SLC16A2: variants seen among roughly 807,000 people sequenced by gnomAD.
SLC16A2 encodes the protein monocarboxylate transporter 8.
In SLC16A2, 3 loss-of-function variants were observed where a neutral mutation model predicts 27.2. That is an observed-to-expected ratio of 0.11 (90% CI 0.05 to 0.28). The LOEUF is 0.28. SLC16A2 is among the 10% of genes least tolerant of loss of function. SLC16A2 has a pLI of 1.00. For missense variants in SLC16A2, 295 were observed against 458.5 expected (o/e 0.64, Z 3.26); for synonymous variants, 202 against 187.8 (o/e 1.08, Z -0.62).
chrX:74,478,145 G>T (rs1929526874), intron 1 of SLC16A2, among the ~76,000 whole-genome samples: 2 of 111,643 alleles, frequency 1.8e-5, no homozygotes, highest in African/African-American at 6.5e-5. Context: ...GGTCTCTAAG[G>T]ACTTGCTTTA....
chrX:74,423,808 G>C, intron 1 of SLC16A2, among the ~76,000 whole-genome samples: 1 of 111,722 alleles, frequency 9.0e-6, no homozygotes, highest in Middle Eastern at 4.6e-3. Flanking sequence ...TTGCCCTGTG[G>C]TTGAAGGCAG....
rs1378423401 is a variant in SLC16A2 at position 74,493,746 on chromosome X, A to G, written c.431-27244A>G. On this transcript the variant is annotated intron_variant, in intron 1 of 5. Coordinates refer to ENST00000587091, the MANE Select transcript of SLC16A2 (RefSeq NM_006517.5). The stretch of plus-strand genomic sequence containing the variant: ...GCTAATTGGCATCTTCCTTAGTCAC[A>G]GATTTCTCTGACCTTCACAGGAGGT... 2.7e-5 allele frequency among the ~76,000 whole-genome samples: 3 copies of G among 111,934 alleles called. No individual in the cohort carries two copies. The Admixed American group carries it at 2.8e-4, about 11-fold the overall frequency.
intron 1 of SLC16A2, among the ~76,000 whole-genome samples, chrX:74,466,598 T>G (rs747060489): frequency 2.7e-5 from 3 of 112,323 alleles, no homozygotes; most frequent in Non-Finnish European, 5.6e-5. Context: ...CTGTACATGT[T>G]TAGCACAGAC....
chrX:74,474,188 T>C (rs1223966115), intron 1 of SLC16A2, among the ~76,000 whole-genome samples: 1 of 111,915 alleles, frequency 8.9e-6, no homozygotes, highest in African/African-American at 3.2e-5. Context: ...ATATTAAGTG[T>C]TCTGATCCAT....
chrX:74,507,963 C>T (rs1204193637), intron 1 of SLC16A2, among the ~76,000 whole-genome samples: 1 of 111,957 alleles, frequency 8.9e-6, no homozygotes, highest in Admixed American at 9.5e-5. Flanking sequence ...CATGGCAGTA[C>T]ACTTAATTCT....
intron 1 of SLC16A2, among the ~76,000 whole-genome samples, chrX:74,484,578 C>A (rs1929682147): frequency 8.9e-6 from 1 of 112,070 alleles, no homozygotes; most frequent in African/African-American, 3.2e-5. Flanking sequence ...GCATATTCAA[C>A]TCCCATTTCC....
intron 1 of SLC16A2, among the ~76,000 whole-genome samples, chrX:74,496,258 ACACACACACACACACACG>A (rs925569827): frequency 6.8e-4 from 43 of 63,657 alleles, no homozygotes; most frequent in Non-Finnish European, 1.8e-3. Flanking sequence ...GAAAACACAC[ACACACACACACACACACG>A]CACACACACA....
chrX:74,433,262 C>G (rs1252384673), intron 1 of SLC16A2, among the ~76,000 whole-genome samples: 4 of 109,965 alleles, frequency 3.6e-5, no homozygotes, highest in African/African-American at 1.3e-4. Context: ...ATCCTAGCTA[C>G]TTGGGAGGCT....
At chrX:74,480,503 C>T (rs1436621111) in intron 1 of SLC16A2, among the ~76,000 whole-genome samples, 1 of 112,245 alleles carries the variant, frequency 8.9e-6, no homozygotes, top group Non-Finnish European at 1.9e-5. Context: ...CACCCACTGT[C>T]TGACAATCCC....
At chrX:74,517,220 C>T (rs769637637) in intron 1 of SLC16A2, among the ~76,000 whole-genome samples, 1 of 112,046 alleles carries the variant, frequency 8.9e-6, no homozygotes, top group Non-Finnish European at 1.9e-5. Flanking sequence ...GTTCATGGGA[C>T]CTCTCTGGAC....
chrX:74,528,459 G>A (rs938022507), intron 4 of SLC16A2, among the ~76,000 whole-genome samples: 4 of 111,139 alleles, frequency 3.6e-5, no homozygotes, highest in African/African-American at 1.3e-4. Flanking sequence ...AAAGCCCAGT[G>A]GCTAGTCAGT....
chrX:74,518,841 G>A (rs945866247), intron 1 of SLC16A2, among the ~76,000 whole-genome samples: 1 of 111,670 alleles, frequency 9.0e-6, no homozygotes, highest in Non-Finnish European at 1.9e-5. Flanking sequence ...CTCTTGTATG[G>A]TGGATACCGG....
intron 1 of SLC16A2, among the ~76,000 whole-genome samples, chrX:74,461,398 G>A (rs1929138311): frequency 2.3e-5 from 2 of 87,939 alleles, no homozygotes; most frequent in Non-Finnish European, 4.3e-5. Flanking sequence ...GAGAAAGGGA[G>A]AGAGAGAGAG....
chrX:74,516,251 C>T (rs1930316037), intron 1 of SLC16A2, among the ~76,000 whole-genome samples: 1 of 111,000 alleles, frequency 9.0e-6, no homozygotes. Context: ...TGGAGTTTTG[C>T]CACATTACAC....
At chrX:74,486,791 TTTATTGCAGCACTA>T (rs1293508204) in intron 1 of SLC16A2, among the ~76,000 whole-genome samples, 3 of 112,009 alleles carry the variant, frequency 2.7e-5, no homozygotes, top group Admixed American at 9.5e-5. Context: ...CACATGTATG[TTTATTGCAGCACTA>T]TTCACAATAG....
chrX:74,455,103 C>T (rs1255301015), intron 1 of SLC16A2, among the ~76,000 whole-genome samples: 1 of 111,893 alleles, frequency 8.9e-6, no homozygotes, highest in Non-Finnish European at 1.9e-5. Context: ...TACTTAATCT[C>T]TGTATGTCTC....
At chrX:74,491,041 A>G (rs1929816673) in intron 1 of SLC16A2, among the ~76,000 whole-genome samples, 1 of 111,923 alleles carries the variant, frequency 8.9e-6, no homozygotes, top group Non-Finnish European at 1.9e-5. Flanking sequence ...GAGTTTGGGC[A>G]ACTTCCTTCA....
intron 1 of SLC16A2, among the ~76,000 whole-genome samples, chrX:74,449,348 G>T (rs929101207): frequency 8.9e-6 from 1 of 112,064 alleles, no homozygotes; most frequent in African/African-American, 3.2e-5. Context: ...TGGAGGGTCA[G>T]GGGTGGGTAT....
At chrX:74,449,268 C>T (rs1216791762) in intron 1 of SLC16A2, among the ~76,000 whole-genome samples, 3 of 111,873 alleles carry the variant, frequency 2.7e-5, no homozygotes, top group Middle Eastern at 4.2e-3. Flanking sequence ...ATTTCTGCAC[C>T]TGTGCAATGA....
Sources: allele counts gnomAD v4.1 joint callset (sites outside exome capture counted in the v4.1 genomes callset), GRCh38; gene constraint gnomAD v4.1.1; transcripts MANE v1.5; gene names NCBI Gene and HGNC (gene_info 2026-07-23, HGNC 2026-07-21).